Variants in CPB1 observed in about 807,000 individuals in gnomAD.
CPB1 encodes carboxypeptidase B.
CPB1 carries 53 observed loss-of-function variants against 51.4 expected under a neutral mutation model. That is an observed-to-expected ratio of 1.03 (90% CI 0.83 to 1.30). CPB1 has a LOEUF of 1.30. CPB1 is among the 50% of genes most tolerant of loss of function. CPB1 has a pLI of 0.00. For synonymous variants in CPB1, 189 were observed against 186.9 expected (o/e 1.01, Z -0.09); for missense variants, 494 against 516.2 (o/e 0.96, Z 0.42).
At position 148,834,607 on chromosome 3, in the gene CPB1, A is replaced by G. The variant is rs1189820816; in HGVS notation, c.257A>G (p.Asn86Ser). Reference protein sequence around the residue: ...TVTVENVLKQNELQYKVLISN... With the variant: ...TVTVENVLKQSELQYKVLISN... ...ACTGTGGAGAATGTTCTAAAGCAGA[A>G]TGAACTACAATACAAGTAAGTTTAT... The change falls in exon 3 of 11, where the codon AAT becomes AGT. Residue 86 changes from asparagine (N) to serine (S), a missense_variant. Asn to Ser is a conservative substitution (Grantham distance 46). Transcript: ENST00000282957. 1.9e-6 allele frequency: 3 copies of G among 1,610,282 alleles called. No homozygotes were observed. The highest frequency in any genetic ancestry group is 3.3e-5 in the Admixed American group (2 of 59,954).
chr3:148,846,736 AATAT>A (rs10605555), intron 9 of CPB1, among the ~76,000 whole-genome samples: 27,459 of 106,542 alleles, frequency 0.26, 4,145 homozygotes, highest in African/African-American at 0.32. Context: ...CATGGCCAAA[AATAT>A]ATATATATAT....
At chr3:148,855,859 T>C (rs1434000834) in intron 9 of CPB1, 1 of 152,148 alleles carries the variant, frequency 6.6e-6, no homozygotes, top group Non-Finnish European at 1.5e-5. Context: ...AATGGCAAGA[T>C]AAAGAAATTG....
chr3:148,844,472 A>C lies in CPB1; in HGVS notation c.577-6A>C, dbSNP rs1713172398. ...CATGAAATTCCTCTTCATAATTCAC[A>C]TACAGGCTGTTCGTACCTATGGACG... On this transcript the variant is annotated splice_region_variant and splice_polypyrimidine_tract_variant and intron_variant, in intron 6 of 10. Coordinates refer to ENST00000282957, the MANE Select transcript of CPB1 (RefSeq NM_001871.3). 5 of 1,605,080 alleles carry C rather than the reference A, an allele frequency of 3.1e-6. No homozygotes were observed. The highest frequency in any genetic ancestry group is 4.3e-6 in the Non-Finnish European group (5 of 1,172,164).
At chr3:148,846,797 G>GTGTGTGTGTGTA (rs1364486523) in intron 9 of CPB1, among the ~76,000 whole-genome samples, 25 of 50,536 alleles carry the variant, frequency 4.9e-4, no homozygotes, top group Admixed American at 5.6e-4. Context: ...GTGTGCGTGT[G>GTGTGTGTGTGTA]TATATATATA....
In CPB1 at chr3:148,833,705, T is replaced by G. The variant is rs1323246149; in HGVS notation, c.148-793T>G. Among the ~76,000 whole-genome samples the G allele has an allele frequency of 2.6e-5, 4 of 151,484 alleles. No homozygotes were observed. In the South Asian group the frequency reaches 8.3e-4, roughly 32 times the overall value. ...TATGTTTTAGTTAATATTTTTCCAC[T>G]GAAAGGTGTTACTTAAAACCACACA... is the stretch of plus-strand genomic sequence containing the variant. On this transcript the variant is annotated intron_variant, in intron 2 of 10. Coordinates refer to ENST00000282957, the MANE Select transcript of CPB1 (RefSeq NM_001871.3).
rs990942799 is a variant in CPB1 at position 148,843,366 on chromosome 3, T to C, written c.577-1112T>C. Among the ~76,000 whole-genome samples, 4 of 151,968 alleles carry C rather than the reference T, an allele frequency of 2.6e-5. No homozygotes were observed. In the East Asian group the frequency reaches 7.7e-4, roughly 29 times the overall value. On this transcript the variant is annotated intron_variant, in intron 6 of 10. Coordinates refer to ENST00000282957, the MANE Select transcript of CPB1 (RefSeq NM_001871.3). ...GTTGAAAACATTGAAGTGCTTTAAA[T>C]ATATAATAATATTATTATATACAAC...
intron 3 of CPB1, among the ~76,000 whole-genome samples, chr3:148,835,080 T>A (rs1420712321): frequency 6.6e-6 from 1 of 152,182 alleles, no homozygotes; most frequent in East Asian, 1.9e-4. Context: ...TCTGTCCTTT[T>A]TTCTCTAAAG....
chr3:148,852,226 T>C (rs1179632335), intron 9 of CPB1, among the ~76,000 whole-genome samples: 1 of 152,242 alleles, frequency 6.6e-6, no homozygotes, highest in African/African-American at 2.4e-5. Context: ...AAATAAATTC[T>C]AGTTTACCAT....
chr3:148,845,247 TC>T (rs1184549539), intron 8 of CPB1, among the ~76,000 whole-genome samples, 176 bp from the exon 9 acceptor site: 11 of 152,182 alleles, frequency 7.2e-5, no homozygotes, highest in African/African-American at 2.4e-4. Flanking sequence ...AAACATACCA[TC>T]CTAATCCTGT....
At chr3:148,837,354 A>G (rs908955669) in intron 3 of CPB1, among the ~76,000 whole-genome samples, 4 of 152,130 alleles carry the variant, frequency 2.6e-5, no homozygotes, top group Non-Finnish European at 5.9e-5. Flanking sequence ...CCAGGTACTG[A>G]TCAAATATTC....
chr3:148,854,978 G>A (rs972071070), intron 9 of CPB1: 6 of 152,228 alleles, frequency 3.9e-5, no homozygotes, highest in African/African-American at 1.4e-4. Flanking sequence ...GAAGAGAAAA[G>A]GGTACCCACA....
chr3:148,849,952 C>T (rs1452549678), intron 9 of CPB1, among the ~76,000 whole-genome samples: 1 of 152,134 alleles, frequency 6.6e-6, no homozygotes, highest in African/African-American at 2.4e-5. Flanking sequence ...TATGGTGGTA[C>T]CCCATATAAC....
chr3:148,859,763 A>C (rs755263267), intron 10 of CPB1, 52 bp from the exon 11 acceptor site: 3 of 1,513,416 alleles, frequency 2.0e-6, no homozygotes, highest in Non-Finnish European at 2.7e-6. Context: ...CAATTTTTTA[A>C]AGCTCCTTCC....
At chr3:148,842,783 A>AGG (rs1364876826) in intron 6 of CPB1, among the ~76,000 whole-genome samples, 85 of 152,302 alleles carry the variant, frequency 5.6e-4, no homozygotes, top group African/African-American at 1.9e-3. Flanking sequence ...AGAGTGGATA[A>AGG]ACCTAGCAGA....
At chr3:148,835,018 T>C (rs192144502) in intron 3 of CPB1, among the ~76,000 whole-genome samples, 2 of 152,234 alleles carry the variant, frequency 1.3e-5, no homozygotes, top group East Asian at 3.9e-4. Context: ...ATGAGGGCTA[T>C]TTGTGCTTTT....
At chr3:148,847,037 A>G (rs1290980741) in intron 9 of CPB1, among the ~76,000 whole-genome samples, 6 of 150,166 alleles carry the variant, frequency 4.0e-5, no homozygotes, top group African/African-American at 1.5e-4. Flanking sequence ...AAGTTGTGCC[A>G]TATCAGAAGA....
intron 9 of CPB1, chr3:148,855,251 G>A (rs80133939): frequency 6.6e-6 from 1 of 152,114 alleles, no homozygotes; most frequent in Non-Finnish European, 1.5e-5. Context: ...TGAGAACTTA[G>A]GCATAAACTA....
intron 9 of CPB1, among the ~76,000 whole-genome samples, chr3:148,846,797 G>GTGTGTATATATATA (rs1364486523): frequency 7.7e-4 from 39 of 50,496 alleles, no homozygotes; most frequent in Non-Finnish European, 1.1e-3. Context: ...GTGTGCGTGT[G>GTGTGTATATATATA]TATATATATA....
rs1713711145 is a variant in CPB1, at chr3:148,860,176, A to G, written c.*174A>G. The G allele has an allele frequency of 9.7e-6, 6 of 617,562 alleles. No homozygotes were observed. The highest frequency in any genetic ancestry group is 9.1e-5 in the Admixed American group (3 of 33,064). The allele number at this position is 617,562 out of a possible 1,614,324, so 38.3% of individuals were successfully genotyped here. On this transcript the variant is annotated 3_prime_UTR_variant, in exon 11 of 11. Coordinates refer to ENST00000282957, the MANE Select transcript of CPB1 (RefSeq NM_001871.3). ...TTGATCATAATAAAAGTGAATCATTACTATTGGAAAACTTGACATATGGTC... is the reference window on the plus strand; with the variant it reads ...TTGATCATAATAAAAGTGAATCATTGCTATTGGAAAACTTGACATATGGTC...
Sources: allele counts gnomAD v4.1 joint callset (sites outside exome capture counted in the v4.1 genomes callset), GRCh38; gene constraint gnomAD v4.1.1; transcripts MANE v1.5; gene names NCBI Gene and HGNC (gene_info 2026-07-23, HGNC 2026-07-21).